Variants in ACSS2 observed in about 807,000 individuals in gnomAD.
ACSS2 encodes the protein acetyl-coenzyme A synthetase, cytoplasmic.
In ACSS2, 58 loss-of-function variants were observed where a neutral mutation model predicts 90.6. That is an observed-to-expected ratio of 0.64 (90% CI 0.52 to 0.80). The LOEUF (loss-of-function observed/expected upper bound fraction) is 0.80, where lower values mean the gene tolerates loss of function less well. Ranked by LOEUF, ACSS2 falls within the 30% of genes least tolerant of loss-of-function variation. The pLI is 0.00. For synonymous variants in ACSS2, 300 were observed against 330.9 expected, an observed-to-expected ratio of 0.91 and a Z score of 1.01; for missense variants, 759 against 912.0, an observed-to-expected ratio of 0.83 and a Z score of 2.16.
intron 2 of ACSS2, among the ~76,000 whole-genome samples, chr20:34,905,806 G>A (rs2080784815): frequency 6.6e-6 from 1 of 152,234 alleles, no homozygotes; most frequent in Admixed American, 6.5e-5. Context: ...GAAGTGGAAA[G>A]GGAACTATTT....
chr20:34,910,598 T>C (rs2080927811), intron 2 of ACSS2, among the ~76,000 whole-genome samples: 2 of 152,170 alleles, frequency 1.3e-5, no homozygotes, highest in South Asian at 4.1e-4. Context: ...GAGGCTGCAG[T>C]GAGCTATGAT....
At position 34,923,305 on chromosome 20, in the gene ACSS2, C is replaced by G. The variant is rs1442497551; in HGVS notation, c.1549-18C>G. ...ACAGCATAGCAAATGTGATCACTGT[C>G]CCTTCCTCACTCCCCAGGTGTTCAA... On this transcript the variant is annotated intron_variant, in intron 13 of 17. Coordinates refer to ENST00000360596, the MANE Select transcript of ACSS2 (RefSeq NM_018677.4). The G allele has an allele frequency of 1.3e-6, 2 of 1,567,198 alleles. No individual in the cohort carries two copies. The highest frequency in any genetic ancestry group is 1.7e-5 in the Admixed American group (1 of 59,910).
chr20:34,887,908 T>C (rs920719088), intron 2 of ACSS2, among the ~76,000 whole-genome samples: 1 of 148,152 alleles, frequency 6.7e-6, no homozygotes, highest in Non-Finnish European at 1.5e-5. Flanking sequence ...CCATCTCTAC[T>C]AAAAATACAA....
chr20:34,899,030 G>A (rs1029476227), intron 2 of ACSS2, among the ~76,000 whole-genome samples: 2 of 152,216 alleles, frequency 1.3e-5, no homozygotes, highest in African/African-American at 4.8e-5. Context: ...TACACCCTCC[G>A]CAGCTGCTGG....
At position 34,913,988 on chromosome 20, in the gene ACSS2, T is replaced by C. The variant is rs1282526220; in HGVS notation, c.644-108T>C. ...TGACCCTCTGTCAGCTCGAATCAGC[T>C]GGAAGAGCCAGAGTTAAGAGGCCTA... On this transcript the variant is annotated intron_variant, in intron 5 of 17. Coordinates refer to ENST00000360596, the MANE Select transcript of ACSS2 (RefSeq NM_018677.4). 1.3e-5 allele frequency: 19 copies of C among 1,421,836 alleles called. No individual in the cohort carries two copies. In the East Asian group the frequency reaches 4.4e-4, roughly 33 times the overall value. 88.1% of individuals were successfully genotyped at this position (1,421,836 alleles called of 1,614,324 possible).
At chr20:34,903,381 G>A (rs2080718544) in intron 2 of ACSS2, among the ~76,000 whole-genome samples, 1 of 151,306 alleles carries the variant, frequency 6.6e-6, no homozygotes, top group Non-Finnish European at 1.5e-5. Flanking sequence ...GCTGGGTGAT[G>A]TGTGGACTGG....
At chr20:34,907,321 T>C (rs956760012) in intron 2 of ACSS2, among the ~76,000 whole-genome samples, 2 of 152,132 alleles carry the variant, frequency 1.3e-5, no homozygotes, top group Non-Finnish European at 2.9e-5. Context: ...CTTCGCCATG[T>C]TGGCCAGGCC....
chr20:34,925,656 A>G (rs752193106), intron 14 of ACSS2, 42 bp from the exon 15 acceptor site: 1 of 1,584,970 alleles, frequency 6.3e-7, no homozygotes, highest in Non-Finnish European at 8.6e-7. Flanking sequence ...CAGGTATCCT[A>G]CCGTAGGGTT....
intron 2 of ACSS2, among the ~76,000 whole-genome samples, chr20:34,891,726 T>C (rs183375794): frequency 1.3e-5 from 2 of 152,268 alleles, no homozygotes; most frequent in East Asian, 1.9e-4. Flanking sequence ...GATTTCATGT[T>C]TAAGGTGGAT....
Position 34,922,126 on chromosome 20 carries a change from C to CT in ACSS2, c.1548+261dup, listed in dbSNP as rs1555886281. ...ATGGTACCTTTTTGGGTCTGGAAGA[C>CT]TAAGTCCCATCTTCTTTTGACAAAG... On this transcript the variant is annotated intron_variant, in intron 13 of 17. Transcript: ENST00000360596. 1.1e-5 allele frequency: 7 copies of CT among 639,728 alleles called. No homozygotes were observed. The Admixed American group carries it at 2.5e-4, about 22-fold the overall frequency. The allele number at this position is 639,728 out of a possible 1,614,324, so 39.6% of individuals were successfully genotyped here. A position where few individuals can be genotyped will look rare whatever the true frequency, so the allele number is the denominator to read the frequency against.
chr20:34,889,321 AC>A (rs2080276534), intron 2 of ACSS2, among the ~76,000 whole-genome samples: 1 of 151,838 alleles, frequency 6.6e-6, no homozygotes, highest in African/African-American at 2.4e-5. Context: ...ATGGGGTTTC[AC>A]CATTTTAGCC....
chr20:34,905,819 T>C (rs1407754165), intron 2 of ACSS2, among the ~76,000 whole-genome samples: 1 of 152,226 alleles, frequency 6.6e-6, no homozygotes, highest in Non-Finnish European at 1.5e-5. Flanking sequence ...AACTATTTCT[T>C]ATCTTTATCA....
At position 34,909,210 on chromosome 20, in the gene ACSS2, A is replaced by AG. The variant is rs1374753266; in HGVS notation, c.375-3886_375-3885insG. On this transcript the variant is annotated intron_variant, in intron 2 of 17. Coordinates refer to ENST00000360596, the MANE Select transcript of ACSS2 (RefSeq NM_018677.4). ...CTGTCTTTGCAAAAAAAAAAAAAAA[A>AG]AAAAAAAGGTAGCCAGACATGGTGA... is the stretch of plus-strand genomic sequence containing the variant. Among the ~76,000 whole-genome samples the AG allele has an allele frequency of 1.2e-4, 18 of 150,508 alleles. 1 individual carries two copies. The highest frequency in any genetic ancestry group is 4.4e-4 in the African/African-American group (18 of 40,950).
chr20:34,925,489 T>C (rs111803727), intron 14 of ACSS2, among the ~76,000 whole-genome samples: 22 of 151,946 alleles, frequency 1.4e-4, no homozygotes, highest in Non-Finnish European at 2.5e-4. Context: ...AGACTAACCC[T>C]AGTACAATGA....
intron 2 of ACSS2, among the ~76,000 whole-genome samples, chr20:34,888,921 C>G (rs1416547832): frequency 1.3e-5 from 2 of 151,702 alleles, no homozygotes; most frequent in African/African-American, 4.8e-5. Flanking sequence ...TTGACACCAG[C>G]AGGATATTAG....
At chr20:34,898,299 A>G (rs1428472977) in intron 2 of ACSS2, among the ~76,000 whole-genome samples, 3 of 152,158 alleles carry the variant, frequency 2.0e-5, no homozygotes, top group Non-Finnish European at 2.9e-5. Context: ...GCTGATTGGT[A>G]GAGCCAAGTG....
chr20:34,919,476 C>T lies in ACSS2; in HGVS notation c.876C>T (p.Leu292=), dbSNP rs773777830. The T allele has an allele frequency of 6.2e-7, 1 of 1,613,332 alleles. No homozygotes were observed. Among genetic ancestry groups the T allele is most frequent in the East Asian group, 2.2e-5 (1 of 44,866 alleles). Residue 292 remains leucine, a synonymous_variant, in exon 8 of 18, where the codon CTC becomes CTT. Coordinates refer to ENST00000360596, the MANE Select transcript of ACSS2 (RefSeq NM_018677.4). ...GGATTGACTTGTGGTGGCATGAGCT[C>T]ATGCAAGAGGCAGGGGATGAGTGTG... is the stretch of plus-strand genomic sequence containing the variant. ...NQGIDLWWHE[L]MQEAGDECEP...
chr20:34,893,052 T>G (rs979600147), intron 2 of ACSS2, among the ~76,000 whole-genome samples: 2 of 152,222 alleles, frequency 1.3e-5, no homozygotes, highest in African/African-American at 4.8e-5. Context: ...AGGGTACTAT[T>G]ACCATTCTTT....
chr20:34,897,852 A>AC (rs138310545), intron 2 of ACSS2, among the ~76,000 whole-genome samples: 3,592 of 152,212 alleles, frequency 0.024, 145 homozygotes, highest in African/African-American at 0.082. Flanking sequence ...CATCCATGTT[A>AC]TACCATATAT....
Sources: allele counts gnomAD v4.1 joint callset (sites outside exome capture counted in the v4.1 genomes callset), GRCh38; gene constraint gnomAD v4.1.1; transcripts MANE v1.5; gene names NCBI Gene and HGNC (gene_info 2026-07-23, HGNC 2026-07-21).